PPP3R1: variants seen among roughly 807,000 people sequenced by gnomAD.
PPP3R1 encodes the protein calcineurin subunit B type 1.
A neutral mutation model predicts 22.6 loss-of-function variants in PPP3R1; 5 were observed. The ratio of observed to expected loss-of-function variants is 0.22; its 90% CI spans 0.12 to 0.46. PPP3R1 has a LOEUF of 0.46. Among genes scored for constraint, PPP3R1 ranks in the 20% least tolerant of loss-of-function variants. PPP3R1 has a pLI of 0.99. For missense variants in PPP3R1, 61 were observed against 203.2 expected (o/e 0.30, Z 4.25); for synonymous variants, 56 against 65.2 (o/e 0.86, Z 0.68).
chr2:68,232,519 G>C (rs1182058058), intron 1 of PPP3R1, among the ~76,000 whole-genome samples: 1 of 151,790 alleles, frequency 6.6e-6, no homozygotes, highest in Admixed American at 6.6e-5. Flanking sequence ...ATGTATCAAA[G>C]AAAAAGAAAA....
At chr2:68,251,650 G>T (rs572632622) in intron 1 of PPP3R1, among the ~76,000 whole-genome samples, 2 of 151,916 alleles carry the variant, frequency 1.3e-5, no homozygotes, top group Admixed American at 6.5e-5. Flanking sequence ...GCTCTGGAGA[G>T]TAAGTGGGTC....
At chr2:68,204,308 GACATAT>G (rs1216117437) in intron 2 of PPP3R1, among the ~76,000 whole-genome samples, 1 of 145,468 alleles carries the variant, frequency 6.9e-6, no homozygotes, top group East Asian at 2.0e-4. Flanking sequence ...TGAATTGAAT[GACATAT>G]ACATATATAT....
At chr2:68,205,227 A>G (rs1181974309) in intron 2 of PPP3R1, among the ~76,000 whole-genome samples, 1 of 150,168 alleles carries the variant, frequency 6.7e-6, no homozygotes, top group African/African-American at 2.4e-5. Flanking sequence ...TTTCCTTGTA[A>G]GTAATCAGTA....
chr2:68,249,617 GCTCA>G (rs963799675), intron 1 of PPP3R1, among the ~76,000 whole-genome samples: 5 of 151,432 alleles, frequency 3.3e-5, no homozygotes, highest in Admixed American at 6.6e-5. Context: ...ATTCCTAGGA[GCTCA>G]CTATTTACAA....
At chr2:68,211,059 A>T (rs182574461) in intron 2 of PPP3R1, among the ~76,000 whole-genome samples, 3 of 152,318 alleles carry the variant, frequency 2.0e-5, no homozygotes, top group Admixed American at 1.3e-4. Context: ...TGTTGTCTAC[A>T]AAGTGTGCAA....
intron 1 of PPP3R1, among the ~76,000 whole-genome samples, chr2:68,226,574 C>A (rs1669784393): frequency 6.6e-6 from 1 of 152,130 alleles, no homozygotes; most frequent in Non-Finnish European, 1.5e-5. Flanking sequence ...CTTACAGAAT[C>A]ATGAGACACC....
intron 1 of PPP3R1, among the ~76,000 whole-genome samples, chr2:68,218,991 G>A (rs745700945): frequency 2.0e-5 from 3 of 152,014 alleles, no homozygotes; most frequent in African/African-American, 7.2e-5. Flanking sequence ...AGAATAACTC[G>A]TCTTGCTCCT....
chr2:68,194,248 G>C (rs1378093485), intron 2 of PPP3R1, among the ~76,000 whole-genome samples: 1 of 152,114 alleles, frequency 6.6e-6, no homozygotes, highest in African/African-American at 2.4e-5. Flanking sequence ...GGAATTGGTA[G>C]ATTGTTTATA....
At chr2:68,228,747 CT>C (rs1669832059) in intron 1 of PPP3R1, among the ~76,000 whole-genome samples, 1 of 151,612 alleles carries the variant, frequency 6.6e-6, no homozygotes, top group African/African-American at 2.4e-5. Context: ...TTTGAGGGGG[CT>C]TTTCTTTTCC....
intron 1 of PPP3R1, among the ~76,000 whole-genome samples, chr2:68,242,992 G>T (rs1217878830): frequency 6.6e-6 from 1 of 152,212 alleles, no homozygotes; most frequent in East Asian, 1.9e-4. Flanking sequence ...GCTGGTCAAC[G>T]CACCAGTGAT....
Position 68,188,530 on chromosome 2 carries a change from T to A in PPP3R1, c.204A>T (p.Gly68=), listed in dbSNP as rs1674594835. 2.5e-6 allele frequency: 4 copies of A among 1,602,770 alleles called. No individual in the cohort carries two copies. Among genetic ancestry groups the A allele is most frequent in the East Asian group, 4.5e-5 (2 of 44,626 alleles). Residue 68 remains glycine (G), a synonymous_variant, in exon 3 of 6, where the codon GGA becomes GGT. Coordinates refer to ENST00000234310, the MANE Select transcript of PPP3R1 (RefSeq NM_000945.4). ...CTTTCTTACCTTTAAAGTCTACTTCTCCATTCCCATCTGTGTCGAATATAT... is the reference window on the plus strand; with the variant it reads ...CTTTCTTACCTTTAAAGTCTACTTCACCATTCCCATCTGTGTCGAATATAT... The part of the protein sequence containing the change: ...VIDIFDTDGN[G]EVDFKEFIEG...
chr2:68,200,643 T>C (rs141778488), intron 2 of PPP3R1, among the ~76,000 whole-genome samples: 356 of 152,318 alleles, frequency 2.3e-3, no homozygotes, highest in African/African-American at 7.9e-3. Context: ...TTTCTTGAAA[T>C]ACTTTCTGAT....
At position 68,180,370 on chromosome 2, in the gene PPP3R1, G is replaced by A. The variant is rs1674376452; in HGVS notation, c.*593C>T. 6.6e-6 allele frequency: 1 copy of A among 152,618 alleles called. No homozygotes were observed. The highest frequency in any genetic ancestry group is 2.4e-5 in the African/African-American group (1 of 41,458). The allele number at this position is 152,618 out of a possible 1,614,324, so 9.5% of individuals were successfully genotyped here. On this transcript the variant is annotated 3_prime_UTR_variant, in exon 6 of 6. Transcript: ENST00000234310. ...TTACAGACTCCTTTGTTACAAAAATGTAATTAAGGTAAATAATAGGACGTT... is the reference window on the plus strand; with the variant it reads ...TTACAGACTCCTTTGTTACAAAAATATAATTAAGGTAAATAATAGGACGTT...
chr2:68,192,353 AAG>A (rs1412213462), intron 2 of PPP3R1, among the ~76,000 whole-genome samples: 2 of 152,194 alleles, frequency 1.3e-5, no homozygotes, highest in Non-Finnish European at 2.9e-5. Context: ...TAGATAAGAA[AAG>A]ATAATGTCTC....
chr2:68,190,694 G>C (rs1674648098), intron 2 of PPP3R1, among the ~76,000 whole-genome samples: 1 of 152,178 alleles, frequency 6.6e-6, no homozygotes, highest in Non-Finnish European at 1.5e-5. Context: ...AAATTGTTAT[G>C]TTGTCTGGTG....
In PPP3R1 at chr2:68,211,585, T is replaced by C. The variant is rs142444293; in HGVS notation, c.43+5507A>G. On this transcript the variant is annotated intron_variant, in intron 2 of 5. Coordinates refer to ENST00000234310, the MANE Select transcript of PPP3R1 (RefSeq NM_000945.4). ...CAGCAATAAAGTTTTGCCACATCAT[T>C]TGACAATTCCTTTCATAAAAGATTT... is the stretch of plus-strand genomic sequence containing the variant. Among the ~76,000 whole-genome samples, 63 of 152,280 alleles carry C rather than the reference T, an allele frequency of 4.1e-4. No homozygotes were observed. The East Asian group carries it at 9.6e-3, about 23-fold the overall frequency.
At chr2:68,223,352 C>T (rs888180830) in intron 1 of PPP3R1, among the ~76,000 whole-genome samples, 3 of 152,124 alleles carry the variant, frequency 2.0e-5, no homozygotes, top group Admixed American at 6.5e-5. Context: ...GCTGAGATCA[C>T]GCCACTACAC....
intron 2 of PPP3R1, among the ~76,000 whole-genome samples, chr2:68,208,600 T>C (rs376347768): frequency 6.6e-6 from 1 of 152,282 alleles, no homozygotes; most frequent in Middle Eastern, 3.4e-3. Context: ...TGTTTTAAAA[T>C]AGAAACATAC....
At chr2:68,228,946 T>C (rs1450124901) in intron 1 of PPP3R1, among the ~76,000 whole-genome samples, 1 of 152,134 alleles carries the variant, frequency 6.6e-6, no homozygotes, top group Admixed American at 6.5e-5. Flanking sequence ...CAGGTATCTA[T>C]TATTGATTTC....
Sources: allele counts gnomAD v4.1 joint callset (sites outside exome capture counted in the v4.1 genomes callset), GRCh38; gene constraint gnomAD v4.1.1; transcripts MANE v1.5; gene names NCBI Gene and HGNC (gene_info 2026-07-23, HGNC 2026-07-21).